The following ANGPT1 variants were observed in gnomAD, a reference collection of about 807,000 sequenced individuals.
ANGPT1 encodes angiopoietin-1.
ANGPT1 carries 17 observed loss-of-function variants against 62.2 expected under a neutral mutation model. The observed-to-expected ratio is 0.27, with a 90% CI of 0.19 to 0.41. The LOEUF is 0.41. Ranked by LOEUF, ANGPT1 falls within the 10% of genes least tolerant of loss-of-function variation. ANGPT1 has a pLI of 1.00. For synonymous variants in ANGPT1, 199 were observed against 198.9 expected (o/e 1.00, Z 0.00); for missense variants, 478 against 594.9 (o/e 0.80, Z 2.04).
intron 4 of ANGPT1, among the ~76,000 whole-genome samples, chr8:107,311,840 G>A (rs1376745392): frequency 2.6e-5 from 4 of 152,066 alleles, no homozygotes; most frequent in African/African-American, 7.2e-5. Flanking sequence ...CGAGGCGGGC[G>A]GATCACAAGG....
At chr8:107,467,274 T>C (rs1392812978) in intron 1 of ANGPT1, among the ~76,000 whole-genome samples, 8 of 151,854 alleles carry the variant, frequency 5.3e-5, no homozygotes, top group African/African-American at 1.9e-4. Flanking sequence ...TACATAGTGG[T>C]ACAACTATTA....
At chr8:107,354,632 G>A (rs972814182) in intron 1 of ANGPT1, among the ~76,000 whole-genome samples, 1 of 151,102 alleles carries the variant, frequency 6.6e-6, no homozygotes, top group African/African-American at 2.5e-5. Flanking sequence ...AAGAAACAAT[G>A]ATACTAGAAA....
intron 4 of ANGPT1, among the ~76,000 whole-genome samples, chr8:107,317,772 A>G (rs1234113573): frequency 6.6e-6 from 1 of 152,022 alleles, no homozygotes; most frequent in Non-Finnish European, 1.5e-5. Flanking sequence ...CTGGGATTAC[A>G]GGCATGTGCC....
intron 8 of ANGPT1, among the ~76,000 whole-genome samples, chr8:107,252,252 C>T (rs1813263041): frequency 6.6e-6 from 1 of 152,140 alleles, no homozygotes; most frequent in African/African-American, 2.4e-5. Flanking sequence ...AAGCAGCTTT[C>T]AGTGTGACTC....
chr8:107,271,834 T>C (rs1813743046), intron 7 of ANGPT1, among the ~76,000 whole-genome samples: 1 of 151,514 alleles, frequency 6.6e-6, no homozygotes, highest in Admixed American at 6.6e-5. Context: ...TGCCATCATA[T>C]AATATTTTGT....
intron 5 of ANGPT1, among the ~76,000 whole-genome samples, chr8:107,301,975 A>C (rs955210849): frequency 6.6e-6 from 1 of 151,926 alleles, no homozygotes; most frequent in Non-Finnish European, 1.5e-5. Context: ...TCCTTTGCCT[A>C]TCAAAGGAGA....
chr8:107,266,268 C>T (rs1813611872), intron 7 of ANGPT1, among the ~76,000 whole-genome samples: 2 of 152,122 alleles, frequency 1.3e-5, no homozygotes, highest in Admixed American at 6.6e-5. Context: ...AATTCGCCAC[C>T]TTCCAGAGCT....
intron 1 of ANGPT1, among the ~76,000 whole-genome samples, chr8:107,348,355 TG>T (rs1190255183): frequency 6.6e-6 from 1 of 152,228 alleles, no homozygotes; most frequent in Non-Finnish European, 1.5e-5. Flanking sequence ...TGTAAAGCTT[TG>T]GCAGCTCACT....
At chr8:107,253,933 G>A (rs1159108843) in intron 8 of ANGPT1, among the ~76,000 whole-genome samples, 2 of 152,162 alleles carry the variant, frequency 1.3e-5, no homozygotes, top group Admixed American at 1.3e-4. Flanking sequence ...AGACATTGAA[G>A]GAAGGCCAGT....
intron 1 of ANGPT1, among the ~76,000 whole-genome samples, chr8:107,395,065 G>T (rs1189961136): frequency 6.6e-6 from 1 of 152,058 alleles, no homozygotes; most frequent in Non-Finnish European, 1.5e-5. Context: ...CTGCATGTTG[G>T]AACTGTCCAA....
chr8:107,461,890 TTA>T (rs1812081665), intron 1 of ANGPT1, among the ~76,000 whole-genome samples: 2 of 152,134 alleles, frequency 1.3e-5, no homozygotes, highest in African/African-American at 4.8e-5. Flanking sequence ...AATAAATGTA[TTA>T]TTATCATTAT....
chr8:107,473,811 T>C (rs562534729), intron 1 of ANGPT1, among the ~76,000 whole-genome samples: 9 of 152,204 alleles, frequency 5.9e-5, no homozygotes, highest in African/African-American at 2.2e-4. Context: ...GTAAGTAATT[T>C]AACTCAAGTC....
intron 1 of ANGPT1, among the ~76,000 whole-genome samples, chr8:107,430,036 TC>T (rs1207976429): frequency 6.7e-6 from 1 of 149,910 alleles, no homozygotes; most frequent in African/African-American, 2.4e-5. Context: ...TACATATGAA[TC>T]AACTTTTTGG....
intron 8 of ANGPT1, among the ~76,000 whole-genome samples, chr8:107,261,476 C>T (rs570471860): frequency 3.3e-5 from 5 of 151,344 alleles, no homozygotes; most frequent in East Asian, 2.0e-4. Flanking sequence ...GAGGCCGAGG[C>T]GGTCGGATCA....
At position 107,497,612 on chromosome 8, in the gene ANGPT1, T is replaced by C. The variant is rs1813147483; in HGVS notation, c.-54A>G. 1.7e-5 allele frequency: 26 copies of C among 1,548,674 alleles called. No individual in the cohort carries two copies. The highest frequency in any genetic ancestry group is 2.2e-5 in the Non-Finnish European group (25 of 1,142,462). ...TCTCGCAAAACTTGCTCCTTTCTTC[T>C]GACCTCTAAAACTAGTTCTTTATTT... is the stretch of plus-strand genomic sequence containing the variant. On this transcript the variant is annotated 5_prime_UTR_variant, in exon 1 of 9. Transcript: ENST00000517746.
intron 3 of ANGPT1, among the ~76,000 whole-genome samples, chr8:107,333,102 T>A (rs1330988906): frequency 6.6e-6 from 1 of 152,094 alleles, no homozygotes; most frequent in African/African-American, 2.4e-5. Context: ...ATAAACAGAA[T>A]AGGGAAAGTA....
chr8:107,385,846 T>C (rs180944395), intron 1 of ANGPT1, among the ~76,000 whole-genome samples: 21 of 152,232 alleles, frequency 1.4e-4, no homozygotes, highest in Non-Finnish European at 2.2e-4. Flanking sequence ...TGAAGCCATG[T>C]TGTATTGTAT....
chr8:107,288,148 T>C (rs936641258), intron 6 of ANGPT1, among the ~76,000 whole-genome samples: 2 of 152,190 alleles, frequency 1.3e-5, no homozygotes, highest in East Asian at 1.9e-4. Flanking sequence ...AGGACTAATG[T>C]AATATTTTAC....
At chr8:107,271,760 C>T (rs34287996) in intron 7 of ANGPT1, among the ~76,000 whole-genome samples, 22,917 of 151,896 alleles carry the variant, frequency 0.15, 1,878 homozygotes, top group East Asian at 0.25. Context: ...AAATATCCTT[C>T]AATTAAAATG....
Sources: allele counts gnomAD v4.1 joint callset (sites outside exome capture counted in the v4.1 genomes callset), GRCh38; gene constraint gnomAD v4.1.1; transcripts MANE v1.5; gene names NCBI Gene and HGNC (gene_info 2026-07-23, HGNC 2026-07-21).